Variants in KIAA1586 observed in about 807,000 individuals in gnomAD.
KIAA1586 encodes the protein KIAA1586, also known as E3 SUMO-protein ligase KIAA1586.
A neutral mutation model predicts 6.1 loss-of-function variants in KIAA1586; 5 were observed. The observed-to-expected ratio is 0.82, with a 90% confidence interval of 0.43 to 1.73. KIAA1586 has a LOEUF of 1.73. Ranked by LOEUF, KIAA1586 falls within the 40% of genes most tolerant of loss-of-function variation. The probability of loss-of-function intolerance (pLI) is 0.02; values close to 1 mark genes in which losing one functional copy is unlikely to be tolerated. For synonymous variants in KIAA1586, 280 were observed against 301.7 expected (o/e 0.93, Z 0.75); for missense variants, 899 against 878.2 (o/e 1.02, Z -0.30).
chr6:57,057,311 A>G (rs1828513496), downstream of KIAA1586, among the ~76,000 whole-genome samples: 1 of 152,190 alleles, frequency 6.6e-6, no homozygotes, highest in South Asian at 2.1e-4. Context: ...ATTAAAGATT[A>G]ATTGATTCTA....
In KIAA1586 at chr6:57,053,717, G is replaced by C; in HGVS notation, c.1218G>C (p.Leu406Phe). Residue 406 changes from leucine (L) to phenylalanine (F), a missense_variant, in exon 4 of 4, where the codon TTG becomes TTC. Physicochemically the swap from Leu to Phe is conservative, Grantham distance 22. Transcript: ENST00000370733. ...LGRKSGVATKLLENFPEIIIW... is the reference protein window; with the variant it reads ...LGRKSGVATKFLENFPEIIIW... ...GAAAGTCTGGAGTAGCTACAAAATT[G>C]TTAGAAAATTTTCCTGAAATCATCA... The C allele has an allele frequency of 1.9e-6, 3 of 1,610,610 alleles. No individual in the cohort carries two copies. Among genetic ancestry groups the C allele is most frequent in the East Asian group, 2.2e-5 (1 of 44,818 alleles).
the KIAA1586 span, among the ~76,000 whole-genome samples, chr6:57,066,893 C>T: frequency 6.6e-6 from 1 of 152,114 alleles, no homozygotes; most frequent in Non-Finnish European, 1.5e-5. Context: ...ACTACTTCTC[C>T]ACCTACTTTT....
chr6:57,059,040 A>G (rs951239073), downstream of KIAA1586, among the ~76,000 whole-genome samples: 3 of 152,184 alleles, frequency 2.0e-5, no homozygotes, highest in African/African-American at 7.2e-5. Flanking sequence ...CTATGTTTGG[A>G]ACAATTGGGT....
the KIAA1586 span, among the ~76,000 whole-genome samples, chr6:57,061,122 C>T: frequency 1.3e-5 from 2 of 151,902 alleles, no homozygotes; most frequent in African/African-American, 4.8e-5. Context: ...GGATTACAGG[C>T]ACGTGCCACC....
downstream of KIAA1586, among the ~76,000 whole-genome samples, chr6:57,059,225 T>C (rs1003355450): frequency 6.6e-6 from 1 of 152,086 alleles, no homozygotes; most frequent in Non-Finnish European, 1.5e-5. Flanking sequence ...AAATTGATAA[T>C]ATGTTATAAA....
rs1241913289 is a variant in KIAA1586, at chr6:57,054,828, C to G, written c.2329C>G (p.His777Asp). 1 of 1,550,414 alleles carries G rather than the reference C, an allele frequency of 6.4e-7. No homozygotes were observed. Among genetic ancestry groups the G allele is most frequent in the Non-Finnish European group, 8.7e-7 (1 of 1,146,330 alleles). The change falls in exon 4 of 4, where the codon CAT (histidine) becomes GAT (aspartate). Residue 777 changes from histidine (H) to aspartate (D), a missense_variant. Transcript: ENST00000370733. ...TCGGCAAAAGTCAACAAAAGTCTTC[C>G]ATGAGAATCAATTGGCTATATGGAA... ...RVRQKSTKVF[H>D]ENQLAIWNLK
the KIAA1586 span, among the ~76,000 whole-genome samples, chr6:57,061,402 T>TTATC: frequency 6.6e-6 from 1 of 152,176 alleles, no homozygotes; most frequent in Non-Finnish European, 1.5e-5. Flanking sequence ...ATTTATTTAT[T>TTATC]TATCTATTGA....
the KIAA1586 span, among the ~76,000 whole-genome samples, chr6:57,060,663 A>G: frequency 6.6e-6 from 1 of 152,172 alleles, no homozygotes; most frequent in Non-Finnish European, 1.5e-5. Context: ...GGGCAATTTA[A>G]AGATGATCTA....
the KIAA1586 span, among the ~76,000 whole-genome samples, chr6:57,063,277 C>T: frequency 6.6e-6 from 1 of 151,722 alleles, no homozygotes; most frequent in Non-Finnish European, 1.5e-5. Context: ...ATGATAGAAT[C>T]GTGGATAATT....
the KIAA1586 span, among the ~76,000 whole-genome samples, chr6:57,061,290 A>C: frequency 6.6e-6 from 1 of 152,134 alleles, no homozygotes; most frequent in Non-Finnish European, 1.5e-5. Flanking sequence ...TCCACCTTTT[A>C]ATATCAAGAT....
chr6:57,050,782 A>G lies in KIAA1586; in HGVS notation c.114A>G (p.Pro38=). 1.9e-6 allele frequency: 3 copies of G among 1,612,350 alleles called. No homozygotes were observed. The highest frequency in any genetic ancestry group is 2.5e-6 in the Non-Finnish European group (3 of 1,178,604). ...GCCCACTTCCTTTTTAGGAAGGACCATCGAGACCTGTTCTTGAATACATCG... is the reference window on the plus strand; with the variant it reads ...GCCCACTTCCTTTTTAGGAAGGACCGTCGAGACCTGTTCTTGAATACATCG... ...EDDIQFVSEG[P]SRPVLEYIDL... Residue 38 remains proline, a synonymous_variant, in exon 3 of 4, where the codon CCA becomes CCG. Coordinates refer to ENST00000370733, the MANE Select transcript of KIAA1586 (RefSeq NM_020931.4).
chr6:57,066,686 A>G, the KIAA1586 span, among the ~76,000 whole-genome samples: 1 of 152,208 alleles, frequency 6.6e-6, no homozygotes, highest in Non-Finnish European at 1.5e-5. Context: ...GTCCTGGGCC[A>G]TGGGTGAATC....
rs752866550 is a variant in KIAA1586, at chr6:57,053,957, A to G, written c.1458A>G (p.Ala486=). ...IGRVMGPRWA[A]CSLQAATAVW... ...GAGTAATGGGACCAAGATGGGCGGCATGTAGTTTACAAGCTGCTACTGCTG... is the reference window on the plus strand; with the variant it reads ...GAGTAATGGGACCAAGATGGGCGGCGTGTAGTTTACAAGCTGCTACTGCTG... The change falls in exon 4 of 4, where the codon GCA becomes GCG. Residue 486 remains alanine, a synonymous_variant. Coordinates refer to ENST00000370733, the MANE Select transcript of KIAA1586 (RefSeq NM_020931.4). 1.3e-6 allele frequency: 2 copies of G among 1,586,486 alleles called. No homozygotes were observed. The highest frequency in any genetic ancestry group is 8.5e-7 in the Non-Finnish European group (1 of 1,170,364).
At chr6:57,055,792 A>G (rs913421166), downstream of KIAA1586, among the ~76,000 whole-genome samples, 1 of 152,036 alleles carries the variant, frequency 6.6e-6, no homozygotes, top group Non-Finnish European at 1.5e-5. Context: ...AACAGACTCA[A>G]AGAAGGTATG....
At chr6:57,047,933 A>C (rs1322870518) in intron 2 of KIAA1586, among the ~76,000 whole-genome samples, 2 of 137,808 alleles carry the variant, frequency 1.5e-5, no homozygotes, top group African/African-American at 5.7e-5. Flanking sequence ...GTTCCCTTTG[A>C]GACAGTAGTT....
chr6:57,051,928 C>T (rs182253533), intron 3 of KIAA1586, among the ~76,000 whole-genome samples: 162 of 152,226 alleles, frequency 1.1e-3, no homozygotes, highest in African/African-American at 3.8e-3. Context: ...GAGCTGAGAT[C>T]GCGCCACTGC....
intron 2 of KIAA1586, among the ~76,000 whole-genome samples, chr6:57,047,923 G>A (rs971668191): frequency 5.1e-5 from 7 of 136,508 alleles, no homozygotes; most frequent in African/African-American, 2.0e-4. Context: ...TTCTGAGTTT[G>A]TTCCCTTTGA....
downstream of KIAA1586, among the ~76,000 whole-genome samples, chr6:57,055,490 AT>A (rs1291358151): frequency 6.6e-6 from 1 of 151,998 alleles, no homozygotes; most frequent in Non-Finnish European, 1.5e-5. Context: ...AATATTGAAT[AT>A]AAACATATTG....
rs1181040429 is a variant in KIAA1586, at chr6:57,053,337, A to G, written c.838A>G (p.Asn280Asp). The change falls in exon 4 of 4, where the codon AAT becomes GAT. Residue 280 changes from asparagine to aspartate, a missense_variant. Coordinates refer to ENST00000370733, the MANE Select transcript of KIAA1586 (RefSeq NM_020931.4). ...ATTACAGGAAAAAAATGGAGAGGTA[A>G]ATTGTTTAAATACACGTTACAGTGC... ...RELQEKNGEV[N>D]CLNTRYSATR... 1 of 1,612,438 alleles carries G rather than the reference A, an allele frequency of 6.2e-7. No homozygotes were observed. Among genetic ancestry groups the G allele is most frequent in the South Asian group, 1.1e-5 (1 of 90,916 alleles).
Sources: gnomAD v4.1 joint callset for allele counts (sites outside exome capture counted in the v4.1 genomes callset) on GRCh38, gnomAD v4.1.1 for gene constraint, MANE v1.5 for transcripts, NCBI Gene and HGNC (gene_info 2026-07-23, HGNC 2026-07-21) for gene names.